The following CCDC88A variants were observed in gnomAD, a reference collection of about 807,000 sequenced individuals.
CCDC88A encodes coiled-coil and HOOK domain protein 88A.
A neutral mutation model predicts 234.3 loss-of-function variants in CCDC88A; 54 were observed. The ratio of observed to expected loss-of-function variants is 0.23; its 90% CI spans 0.19 to 0.29. The LOEUF is 0.29. CCDC88A is among the 10% of genes least tolerant of loss of function. The pLI is 1.00. For missense variants in CCDC88A, 1,832 were observed against 2,123.4 expected (o/e 0.86, Z 2.70); for synonymous variants, 753 against 737.8 (o/e 1.02, Z -0.33).
chr2:55,389,590 C>T (rs1233950089), intron 2 of CCDC88A, among the ~76,000 whole-genome samples: 3 of 152,128 alleles, frequency 2.0e-5, no homozygotes, highest in South Asian at 4.1e-4. Context: ...ATTCCTAATG[C>T]CTTCAGTTCC....
At chr2:55,373,694 C>A (rs941811814) in intron 4 of CCDC88A, among the ~76,000 whole-genome samples, 1 of 152,090 alleles carries the variant, frequency 6.6e-6, no homozygotes, top group African/African-American at 2.4e-5. Context: ...CCATCCTACA[C>A]GCAATTTTTT....
chr2:55,398,584 G>A (rs755434733), intron 2 of CCDC88A, among the ~76,000 whole-genome samples: 2 of 152,168 alleles, frequency 1.3e-5, no homozygotes, highest in Non-Finnish European at 2.9e-5. Context: ...CTTTAGGTGA[G>A]AGGGACTGCC....
chr2:55,295,816 G>T lies in CCDC88A; in HGVS notation c.5332C>A (p.Gln1778Lys), dbSNP rs780531382. Residue 1778 changes from glutamine to lysine, a missense_variant, in exon 31 of 33, where the codon CAA becomes AAA. Coordinates refer to ENST00000436346, the MANE Select transcript of CCDC88A (RefSeq NM_001365480.1). Reference sequence around the variant, plus strand: ...TCTTTTACTAATTTTATTTTTCCTTGAGTGCCTGGTGTAGGTTTTCCCGCA... The same window carrying T: ...TCTTTTACTAATTTTATTTTTCCTTTAGTGCCTGGTGTAGGTTTTCCCGCA... ...SSAGKPTPGT[Q>K]GKIKLVKESS... 6.2e-7 allele frequency: 1 copy of T among 1,614,064 alleles called. No homozygotes were observed. The highest frequency in any genetic ancestry group is 8.5e-7 in the Non-Finnish European group (1 of 1,180,016).
chr2:55,330,863 T>G (rs1684833273), intron 16 of CCDC88A, among the ~76,000 whole-genome samples: 1 of 152,236 alleles, frequency 6.6e-6, no homozygotes, highest in East Asian at 1.9e-4. Flanking sequence ...TTGCTCAGCA[T>G]ACTTTTGTGC....
chr2:55,296,093 T>A, intron 30 of CCDC88A, 37 bp from the exon 31 acceptor site: 1 of 1,466,286 alleles, frequency 6.8e-7, no homozygotes, highest in Non-Finnish European at 9.2e-7. Flanking sequence ...TTAGTGAATA[T>A]AGTGCCATGT....
At chr2:55,373,183 C>T (rs1673089584) in intron 4 of CCDC88A, among the ~76,000 whole-genome samples, 1 of 152,158 alleles carries the variant, frequency 6.6e-6, no homozygotes, top group Non-Finnish European at 1.5e-5. Flanking sequence ...ACCACTGGGC[C>T]AATCTGTCTA....
intron 25 of CCDC88A, 44 bp downstream of exon 25, chr2:55,308,765 A>T: frequency 6.9e-7 from 1 of 1,444,430 alleles, no homozygotes; most frequent in Non-Finnish European, 9.6e-7. Flanking sequence ...ATCTTTAGAA[A>T]GGATTCTAAA....
At chr2:55,291,274 T>TTTC (rs1679423274) in intron 32 of CCDC88A, 110 bp from the exon 33 acceptor site, 1 of 152,942 alleles carries the variant, frequency 6.5e-6, no homozygotes, top group South Asian at 2.1e-4. Flanking sequence ...GCACCAGGTA[T>TTTC]TTCTATAAGA....
intron 18 of CCDC88A, among the ~76,000 whole-genome samples, chr2:55,319,510 C>A (rs989127483): frequency 6.6e-6 from 1 of 152,110 alleles, no homozygotes; most frequent in Admixed American, 6.5e-5. Flanking sequence ...AGCAGGTTTA[C>A]AGGAACAATC....
intron 7 of CCDC88A, among the ~76,000 whole-genome samples, chr2:55,358,240 T>C (rs1185462623): frequency 6.6e-6 from 1 of 152,168 alleles, no homozygotes; most frequent in African/African-American, 2.4e-5. Flanking sequence ...TTATGCCAGT[T>C]TTAGACATGA....
Position 55,362,331 on chromosome 2 carries a change from C to G in CCDC88A, c.604G>C (p.Asp202His). The change falls in exon 7 of 33, where the codon GAT becomes CAT. Residue 202 changes from aspartate to histidine, a missense_variant. Around this residue, in one of 6 missense-constraint regions of CCDC88A, gnomAD observed 1,282 missense variants for 1,543.6 expected, o/e 0.83. Transcript: ENST00000436346. ...ACCTCTGAATGTTCATCTCTCTCATCTATAAGTCTTTTTAGATGCAATGCC... is the reference window on the plus strand; with the variant it reads ...ACCTCTGAATGTTCATCTCTCTCATGTATAAGTCTTTTTAGATGCAATGCC... ...NMALHLKRLIDERDEHSETII... is the reference protein window; with the variant it reads ...NMALHLKRLIHERDEHSETII... 7 of 1,593,390 alleles carry G rather than the reference C, an allele frequency of 4.4e-6. No homozygotes were observed. Among genetic ancestry groups the G allele is most frequent in the Non-Finnish European group, 6.0e-6 (7 of 1,172,274 alleles).
chr2:55,305,258 A>T (rs1220410264), intron 25 of CCDC88A, among the ~76,000 whole-genome samples: 1 of 152,174 alleles, frequency 6.6e-6, no homozygotes, highest in Non-Finnish European at 1.5e-5. Context: ...GGAGTTTTAT[A>T]TTTGTCAGGA....
intron 25 of CCDC88A, among the ~76,000 whole-genome samples, chr2:55,304,514 G>GA (rs574361556): frequency 1.3e-5 from 2 of 151,186 alleles, no homozygotes; most frequent in Admixed American, 6.6e-5. Context: ...GGAAAGAGGG[G>GA]AAAAAAAAGA....
At chr2:55,336,049 T>A (rs1358978431) in intron 14 of CCDC88A, among the ~76,000 whole-genome samples, 1 of 151,330 alleles carries the variant, frequency 6.6e-6, no homozygotes, top group East Asian at 1.9e-4. Flanking sequence ...AAAAAAAAAA[T>A]TAAAAAATTA....
At chr2:55,384,198 G>A (rs924399770) in intron 3 of CCDC88A, among the ~76,000 whole-genome samples, 3 of 151,096 alleles carry the variant, frequency 2.0e-5, no homozygotes, top group African/African-American at 7.3e-5. Flanking sequence ...AATAAAAAAT[G>A]TAAACACATA....
chr2:55,366,032 G>C (rs1671892184), intron 5 of CCDC88A, among the ~76,000 whole-genome samples: 1 of 152,260 alleles, frequency 6.6e-6, no homozygotes, highest in African/African-American at 2.4e-5. Flanking sequence ...AGAAAGTCTG[G>C]TGTTAAAAAC....
chr2:55,378,123 T>A (rs566718975), intron 3 of CCDC88A, among the ~76,000 whole-genome samples: 4 of 152,204 alleles, frequency 2.6e-5, no homozygotes, highest in Non-Finnish European at 5.9e-5. Flanking sequence ...ATTGTCCCAA[T>A]GGATAGTAAT....
chr2:55,390,840 G>T lies in CCDC88A; in HGVS notation c.165-1954C>A, dbSNP rs574890761. On this transcript the variant is annotated intron_variant, in intron 2 of 32. Transcript: ENST00000436346. ...TCCAAAAATCTGCCTTTAAGATTTT[G>T]GCTTTGGCTTCACACAGGCATGAAT... 5.3e-5 allele frequency among the ~76,000 whole-genome samples: 8 copies of T among 152,230 alleles called. No homozygotes were observed. In the East Asian group the frequency reaches 1.5e-3, roughly 29 times the overall value.
Position 55,363,931 on chromosome 2 carries a change from A to T in CCDC88A, c.486+19T>A. 7.1e-7 allele frequency: 1 copy of T among 1,413,226 alleles called. No homozygotes were observed. The highest frequency in any genetic ancestry group is 9.9e-7 in the Non-Finnish European group (1 of 1,012,010). The allele number at this position is 1,413,226 out of a possible 1,614,324, so 87.5% of individuals were successfully genotyped here. A position where few individuals can be genotyped will look rare whatever the true frequency, so the allele number is the denominator to read the frequency against. ...ACAAGCTTCATAAATAGCACGTAAA[A>T]TTGTATATATGTCATTACCTCTTGA... is the stretch of plus-strand genomic sequence containing the variant. On this transcript the variant is annotated intron_variant, in intron 6 of 32. Transcript: ENST00000436346.
Sources: gnomAD v4.1 joint callset for allele counts (sites outside exome capture counted in the v4.1 genomes callset) on GRCh38, gnomAD v4.1.1 for gene constraint, gnomAD v4.1.1 regional missense constraint, MANE v1.5 for transcripts, NCBI Gene and HGNC (gene_info 2026-07-23, HGNC 2026-07-21) for gene names.